The following LHFPL3 variants were observed in gnomAD, a reference collection of about 807,000 sequenced individuals.
The protein encoded by LHFPL3 is LHFPL tetraspan subfamily member 3 protein.
In LHFPL3, 5 loss-of-function variants were observed where a neutral mutation model predicts 19.3. The observed-to-expected ratio is 0.26, with a 90% CI of 0.14 to 0.54. LHFPL3 has a LOEUF of 0.54. Among genes scored for constraint, LHFPL3 ranks in the 20% least tolerant of loss-of-function variants. The pLI is 0.94. For synonymous variants in LHFPL3, 133 were observed against 126.2 expected (o/e 1.05, Z -0.36); for missense variants, 249 against 307.4 (o/e 0.81, Z 1.42).
At chr7:104,380,461 A>C (rs1011775833) in intron 1 of LHFPL3, among the ~76,000 whole-genome samples, 54 of 152,144 alleles carry the variant, frequency 3.5e-4, no homozygotes, top group African/African-American at 1.3e-3. Flanking sequence ...AACAAAACAA[A>C]AAACCTCCAG....
At chr7:104,633,746 C>T (rs748547875) in intron 1 of LHFPL3, among the ~76,000 whole-genome samples, 10 of 152,110 alleles carry the variant, frequency 6.6e-5, no homozygotes, top group Non-Finnish European at 1.5e-4. Flanking sequence ...TTTAATCTGT[C>T]CTAGATGTAA....
At chr7:104,489,694 T>A (rs1304752162) in intron 1 of LHFPL3, among the ~76,000 whole-genome samples, 1 of 151,966 alleles carries the variant, frequency 6.6e-6, no homozygotes, top group African/African-American at 2.4e-5. Context: ...CCACTCTAGG[T>A]ACTGAAAAGT....
At chr7:104,362,413 A>C (rs1475467850) in intron 1 of LHFPL3, among the ~76,000 whole-genome samples, 1 of 152,216 alleles carries the variant, frequency 6.6e-6, no homozygotes, top group Admixed American at 6.5e-5. Flanking sequence ...TCATTTGCCT[A>C]AGATGTTTTG....
At chr7:104,448,961 A>G (rs1792380887) in intron 1 of LHFPL3, among the ~76,000 whole-genome samples, 2 of 152,360 alleles carry the variant, frequency 1.3e-5, no homozygotes, top group Admixed American at 1.3e-4. Context: ...GTGTGCTTCA[A>G]TACTAATAGA....
At chr7:104,887,275 G>A (rs1226422952) in intron 2 of LHFPL3, among the ~76,000 whole-genome samples, 2 of 152,184 alleles carry the variant, frequency 1.3e-5, no homozygotes, top group African/African-American at 4.8e-5. Context: ...CCCTAGCTTG[G>A]GTTCCCCCAT....
intron 2 of LHFPL3, among the ~76,000 whole-genome samples, chr7:104,843,008 C>T (rs923399017): frequency 1.4e-4 from 22 of 152,292 alleles, no homozygotes; most frequent in African/African-American, 4.3e-4. Flanking sequence ...TGAAACAGTA[C>T]CTCTGATTGG....
intron 1 of LHFPL3, among the ~76,000 whole-genome samples, chr7:104,414,780 T>C (rs971576703): frequency 1.3e-5 from 2 of 152,232 alleles, no homozygotes; most frequent in African/African-American, 4.8e-5. Flanking sequence ...GCCTTAACAT[T>C]TCAGTTTTGA....
intron 1 of LHFPL3, among the ~76,000 whole-genome samples, chr7:104,536,934 C>T (rs1465775466): frequency 1.3e-5 from 2 of 152,222 alleles, no homozygotes; most frequent in African/African-American, 4.8e-5. Flanking sequence ...TATATTCTTT[C>T]CTATAGTCCT....
intron 1 of LHFPL3, among the ~76,000 whole-genome samples, chr7:104,356,218 A>C (rs1790271941): frequency 6.6e-6 from 1 of 152,252 alleles, no homozygotes; most frequent in African/African-American, 2.4e-5. Flanking sequence ...AACAGAACGC[A>C]GACTCCAGGC....
chr7:104,834,233 T>C (rs943586866), intron 2 of LHFPL3, among the ~76,000 whole-genome samples: 2 of 151,598 alleles, frequency 1.3e-5, no homozygotes, highest in Non-Finnish European at 2.9e-5. Context: ...ATCAATACTT[T>C]GCATCTTTCA....
chr7:104,425,565 A>G (rs1371081400), intron 1 of LHFPL3, among the ~76,000 whole-genome samples: 1 of 152,170 alleles, frequency 6.6e-6, no homozygotes, highest in African/African-American at 2.4e-5. Flanking sequence ...AATTTTCACA[A>G]GGGGAAAAAG....
At chr7:104,815,110 C>T (rs1411191091) in intron 2 of LHFPL3, among the ~76,000 whole-genome samples, 1 of 152,120 alleles carries the variant, frequency 6.6e-6, no homozygotes, top group African/African-American at 2.4e-5. Context: ...ACCCCGAGAG[C>T]ACGAGGATGC....
intron 1 of LHFPL3, among the ~76,000 whole-genome samples, chr7:104,560,428 A>G (rs1249441430): frequency 6.7e-6 from 1 of 148,698 alleles, no homozygotes; most frequent in East Asian, 1.9e-4. Flanking sequence ...TGTGTCCAGG[A>G]ATTTATCCAT....
chr7:104,384,002 G>A (rs2116457031), intron 1 of LHFPL3, among the ~76,000 whole-genome samples: 1 of 152,242 alleles, frequency 6.6e-6, no homozygotes, highest in East Asian at 1.9e-4. Flanking sequence ...TTAGCCGCCT[G>A]GTTTTTTACC....
At chr7:104,631,715 C>T (rs1791645544) in intron 1 of LHFPL3, among the ~76,000 whole-genome samples, 1 of 152,108 alleles carries the variant, frequency 6.6e-6, no homozygotes, top group Admixed American at 6.6e-5. Context: ...TTTCTTTTAA[C>T]AAAAGATAGT....
intron 2 of LHFPL3, among the ~76,000 whole-genome samples, chr7:104,861,830 C>A (rs1791624413): frequency 6.6e-6 from 1 of 152,136 alleles, no homozygotes; most frequent in Non-Finnish European, 1.5e-5. Context: ...GCATTTCTGT[C>A]AGGCAAGCTT....
chr7:104,441,683 C>T (rs1792227011), intron 1 of LHFPL3, among the ~76,000 whole-genome samples: 1 of 152,180 alleles, frequency 6.6e-6, no homozygotes, highest in Non-Finnish European at 1.5e-5. Flanking sequence ...TCAAGTGATT[C>T]TCCGGCCTCA....
chr7:104,492,266 AC>A (rs201543063), intron 1 of LHFPL3, among the ~76,000 whole-genome samples: 2 of 140,358 alleles, frequency 1.4e-5, no homozygotes, highest in Admixed American at 1.5e-4. Flanking sequence ...TGACTAGTTA[AC>A]AGGAAATAAT....
intron 1 of LHFPL3, among the ~76,000 whole-genome samples, chr7:104,531,966 T>G (rs1327507280): frequency 6.6e-6 from 1 of 152,248 alleles, no homozygotes; most frequent in Non-Finnish European, 1.5e-5. Flanking sequence ...CGAGAAGCCA[T>G]GTCAAGGCTG....
Sources: allele counts gnomAD v4.1 joint callset (sites outside exome capture counted in the v4.1 genomes callset), GRCh38; gene constraint gnomAD v4.1.1; transcripts MANE v1.5; gene names NCBI Gene and HGNC (gene_info 2026-07-23, HGNC 2026-07-21).